MSH3: variants seen among roughly 807,000 people sequenced by gnomAD.
MSH3 encodes the protein mutS homolog 3.
In MSH3, 106 loss-of-function variants were observed where a neutral mutation model predicts 123.3. The ratio of observed to expected loss-of-function variants is 0.86; its 90% CI spans 0.73 to 1.01. MSH3 has a LOEUF of 1.01. MSH3 is among the 50% of genes least tolerant of loss of function. The pLI is 0.00. For missense variants in MSH3, 1,459 were observed against 1,347.6 expected (o/e 1.08, Z -1.29); for synonymous variants, 515 against 481.4 (o/e 1.07, Z -0.91).
At chr5:80,860,057 T>C (rs245347) in intron 21 of MSH3, among the ~76,000 whole-genome samples, 131,092 of 152,126 alleles carry the variant, frequency 0.86, 56,570 homozygotes, top group East Asian at 1. Flanking sequence ...TACTTTCTTC[T>C]ATCCTTTGCA....
intron 20 of MSH3, among the ~76,000 whole-genome samples, chr5:80,831,038 T>C (rs1745406845): frequency 6.6e-6 from 1 of 152,226 alleles, no homozygotes; most frequent in South Asian, 2.1e-4. Context: ...AATGGGACTA[T>C]GCCCTGATAA....
At chr5:80,673,770 A>G (rs1749773169) in intron 6 of MSH3, among the ~76,000 whole-genome samples, 2 of 152,156 alleles carry the variant, frequency 1.3e-5, no homozygotes, top group Non-Finnish European at 1.5e-5. Context: ...TTATAAATGC[A>G]GTGTGTTATT....
chr5:80,717,151 A>G (rs1750980030), intron 8 of MSH3, among the ~76,000 whole-genome samples: 1 of 152,184 alleles, frequency 6.6e-6, no homozygotes, highest in African/African-American at 2.4e-5. Flanking sequence ...GCTGTTGAGA[A>G]TAGTGCTGCA....
In MSH3 at chr5:80,811,494, A is replaced by C. The variant is rs75415031; in HGVS notation, c.2656-2090A>C. Among the ~76,000 whole-genome samples the C allele has an allele frequency of 8.8e-3, 1,347 of 152,224 alleles. 24 individuals carry two copies. Among genetic ancestry groups the C allele is most frequent in the African/African-American group, 0.031 (1,285 of 41,556 alleles). On this transcript the variant is annotated intron_variant, in intron 19 of 23. Coordinates refer to ENST00000265081, the MANE Select transcript of MSH3 (RefSeq NM_002439.5). ...ATTAAGAAGTTTTGCATGTATATTT[A>C]TGGGTGAAATTGGTCTGTAATTTTT...
At chr5:80,709,348 G>T (rs902786236) in intron 8 of MSH3, among the ~76,000 whole-genome samples, 1 of 151,984 alleles carries the variant, frequency 6.6e-6, no homozygotes, top group Non-Finnish European at 1.5e-5. Flanking sequence ...GGCCGGGTGC[G>T]GTGGTGGCTT....
intron 20 of MSH3, among the ~76,000 whole-genome samples, chr5:80,853,093 A>G (rs1745855947): frequency 6.6e-6 from 1 of 152,128 alleles, no homozygotes; most frequent in South Asian, 2.1e-4. Context: ...TCTGAAAGAC[A>G]TTATTGCTGC....
At chr5:80,754,348 T>C (rs576375535) in intron 12 of MSH3, among the ~76,000 whole-genome samples, 27 of 152,204 alleles carry the variant, frequency 1.8e-4, no homozygotes, top group Non-Finnish European at 2.6e-4. Context: ...ATATACCCAG[T>C]ACTTTGTACT....
At chr5:80,792,271 C>T (rs1744620640) in intron 18 of MSH3, among the ~76,000 whole-genome samples, 1 of 151,944 alleles carries the variant, frequency 6.6e-6, no homozygotes, top group Non-Finnish European at 1.5e-5. Context: ...TGGTGACATG[C>T]ACCTATAGTC....
At chr5:80,824,256 T>C (rs1159006765) in intron 20 of MSH3, among the ~76,000 whole-genome samples, 1 of 151,836 alleles carries the variant, frequency 6.6e-6, no homozygotes, top group Non-Finnish European at 1.5e-5. Flanking sequence ...GCTCCTCACT[T>C]CCCAGAGGGG....
intron 8 of MSH3, among the ~76,000 whole-genome samples, chr5:80,682,456 A>T (rs1749994785): frequency 6.6e-6 from 1 of 151,950 alleles, no homozygotes; most frequent in South Asian, 2.1e-4. Context: ...GCAGTGGCTT[A>T]TGCTTGTAAT....
At chr5:80,731,774 T>G (rs1425734070) in intron 10 of MSH3, among the ~76,000 whole-genome samples, 1 of 152,172 alleles carries the variant, frequency 6.6e-6, no homozygotes, top group Non-Finnish European at 1.5e-5. Flanking sequence ...CTTCTTAAGG[T>G]GATTACTTTG....
chr5:80,869,834 A>G (rs953362604), intron 22 of MSH3, among the ~76,000 whole-genome samples: 20 of 81,208 alleles, frequency 2.5e-4, no homozygotes, highest in African/African-American at 8.4e-4. Context: ...ACATATATAC[A>G]TATATATACA....
Position 80,654,885 on chromosome 5 carries a change from CGG to C in MSH3, c.159_160del (p.Ala54CysfsTer30), listed in dbSNP as rs1202421710. ...GACCAGGTGGACCCTGGCGCTGCAG[CGG>C]CTGCAGCGGCCGCAGCGGCCGCAGC... is the stretch of plus-strand genomic sequence containing the variant. On this transcript the variant is annotated frameshift_variant, in exon 1 of 24. Transcript: ENST00000265081. LOFTEE classifies it high-confidence loss of function. 8 of 851,804 alleles carry C rather than the reference CGG, an allele frequency of 9.4e-6. No individual in the cohort carries two copies. The highest frequency in any genetic ancestry group is 8.1e-5 in the African/African-American group (3 of 36,948). The allele number at this position is 851,804 out of a possible 1,614,324, so 52.8% of individuals were successfully genotyped here.
intron 21 of MSH3, 38 bp from the exon 22 acceptor site, chr5:80,864,775 A>G: frequency 6.6e-7 from 1 of 1,523,154 alleles, no homozygotes; most frequent in Non-Finnish European, 9.0e-7. Context: ...AATAAAATTT[A>G]AAAATGAAAT....
chr5:80,725,577 C>A lies in MSH3; in HGVS notation c.1453+12C>A. ...AGTTGACATCAAAGGTAAATATTTTCCCTGTATGTCCTCAAGTTGAACTGA... is the reference window on the plus strand; with the variant it reads ...AGTTGACATCAAAGGTAAATATTTTACCTGTATGTCCTCAAGTTGAACTGA... On this transcript the variant is annotated intron_variant, in intron 9 of 23. Transcript: ENST00000265081. 6.4e-7 allele frequency: 1 copy of A among 1,554,480 alleles called. No individual in the cohort carries two copies. Among genetic ancestry groups the A allele is most frequent in the South Asian group, 1.1e-5 (1 of 89,784 alleles).
At chr5:80,789,738 ATAATT>A (rs1171135328) in intron 18 of MSH3, among the ~76,000 whole-genome samples, 1 of 152,236 alleles carries the variant, frequency 6.6e-6, no homozygotes, top group Non-Finnish European at 1.5e-5. Context: ...TTTAAGAAGA[ATAATT>A]TAGGAAAGTA....
chr5:80,676,820 T>C lies in MSH3; in HGVS notation c.1173+1692T>C, dbSNP rs185564859. Among the ~76,000 whole-genome samples the C allele has an allele frequency of 4.7e-3, 721 of 152,320 alleles. 12 individuals carry two copies. Among genetic ancestry groups the C allele is most frequent in the Non-Finnish European group, 3.2e-3 (220 of 68,020 alleles). On this transcript the variant is annotated intron_variant, in intron 7 of 23. Transcript: ENST00000265081. Reference sequence around the variant, plus strand: ...GTGCTATTTTATATTTACCTAAAACTCCTTCTAAAGAACAGAGTTGATAGT... The same window carrying C: ...GTGCTATTTTATATTTACCTAAAACCCCTTCTAAAGAACAGAGTTGATAGT...
chr5:80,713,773 T>C (rs1580579921), intron 8 of MSH3, among the ~76,000 whole-genome samples: 1 of 136,094 alleles, frequency 7.3e-6, no homozygotes, highest in Admixed American at 7.6e-5. Context: ...TGGCTACCGG[T>C]ATTGTTCTTG....
intron 17 of MSH3, among the ~76,000 whole-genome samples, chr5:80,783,355 A>G (rs1376714013): frequency 6.6e-6 from 1 of 152,112 alleles, no homozygotes; most frequent in Admixed American, 6.6e-5. Context: ...TCAGCTTACC[A>G]TTTTTCTAAG....
Sources: allele counts gnomAD v4.1 joint callset (sites outside exome capture counted in the v4.1 genomes callset), GRCh38; gene constraint gnomAD v4.1.1; transcripts MANE v1.5; gene names NCBI Gene and HGNC (gene_info 2026-07-23, HGNC 2026-07-21).